The following CAST variants were observed in gnomAD, a reference collection of about 807,000 sequenced individuals.
CAST encodes MIR583 host.
In CAST, 76 loss-of-function variants were observed where a neutral mutation model predicts 119.6. That is an observed-to-expected ratio of 0.64 (90% CI 0.53 to 0.77). The LOEUF (loss-of-function observed/expected upper bound fraction) is 0.77, where lower values mean the gene tolerates loss of function less well. CAST is among the 30% of genes least tolerant of loss of function. CAST has a pLI of 0.00. For missense variants in CAST, 953 were observed against 946.5 expected, an observed-to-expected ratio of 1.01 and a Z score of -0.09; for synonymous variants, 319 against 331.6, an observed-to-expected ratio of 0.96 and a Z score of 0.41.
At chr5:96,710,232 A>T (rs1233748539) in intron 3 of CAST, among the ~76,000 whole-genome samples, 1 of 152,176 alleles carries the variant, frequency 6.6e-6, no homozygotes, top group Non-Finnish European at 1.5e-5. Flanking sequence ...ATCTTATGTG[A>T]TCCTTTCTTT....
the CAST span, among the ~76,000 whole-genome samples, chr5:96,116,377 T>G: frequency 1.3e-5 from 2 of 152,332 alleles, no homozygotes; most frequent in Admixed American, 1.3e-4. Flanking sequence ...TTATTTCCAG[T>G]ATTTGGCAAT....
the CAST span, among the ~76,000 whole-genome samples, chr5:96,345,415 C>T: frequency 1.3e-5 from 2 of 152,132 alleles, no homozygotes; most frequent in African/African-American, 4.8e-5. Context: ...TGATTCTGAG[C>T]TTATTCTGAG....
intron 1 of CAST, among the ~76,000 whole-genome samples, chr5:96,664,725 C>T (rs1749100001): frequency 6.6e-6 from 1 of 152,200 alleles, no homozygotes; most frequent in Admixed American, 6.5e-5. Context: ...GTCAAAATGT[C>T]ATACACATAT....
the CAST span, among the ~76,000 whole-genome samples, chr5:96,289,073 A>G: frequency 6.6e-6 from 1 of 150,600 alleles, no homozygotes; most frequent in Non-Finnish European, 1.5e-5. Flanking sequence ...CTTTCCCACA[A>G]TGCTCAGTTT....
chr5:96,564,705 G>A, intron 1 of CAST, among the ~76,000 whole-genome samples: 1 of 152,198 alleles, frequency 6.6e-6, no homozygotes, highest in Non-Finnish European at 1.5e-5. Context: ...GATCACTTGA[G>A]CTCAGATGTT....
At chr5:96,079,215 T>A in the CAST span, 3 of 419,054 alleles carry the variant, frequency 7.2e-6, no homozygotes, top group Non-Finnish European at 1.4e-5. Context: ...TCTTTGGTAC[T>A]TTCCCCTGGG....
intron 24 of CAST, among the ~76,000 whole-genome samples, chr5:96,757,926 T>A (rs1489201687): frequency 2.0e-5 from 3 of 152,088 alleles, no homozygotes; most frequent in Non-Finnish European, 2.9e-5. Context: ...CCTAACCTCA[T>A]GATCCGCCCA....
At chr5:96,085,836 T>TA in the CAST span, among the ~76,000 whole-genome samples, 1 of 152,228 alleles carries the variant, frequency 6.6e-6, no homozygotes, top group African/African-American at 2.4e-5. Context: ...GCTACTTACA[T>TA]AATTAACATC....
chr5:96,442,745 G>C, the CAST span, among the ~76,000 whole-genome samples: 1 of 152,162 alleles, frequency 6.6e-6, no homozygotes, highest in African/African-American at 2.4e-5. Flanking sequence ...GAGGTCGTAA[G>C]GAGCGCTGTG....
At chr5:96,443,838 T>G in the CAST span, among the ~76,000 whole-genome samples, 1 of 152,214 alleles carries the variant, frequency 6.6e-6, no homozygotes, top group Non-Finnish European at 1.5e-5. Flanking sequence ...AAGCAGAGAA[T>G]TTTAAGAATA....
intron 19 of CAST, among the ~76,000 whole-genome samples, chr5:96,750,324 G>A (rs569834584): frequency 6.6e-6 from 1 of 152,038 alleles, no homozygotes; most frequent in South Asian, 2.1e-4. Context: ...TACTGTCATT[G>A]TTCTCATTTT....
upstream of CAST, among the ~76,000 whole-genome samples, chr5:96,523,503 C>A (rs780415773): frequency 2.0e-5 from 3 of 152,196 alleles, no homozygotes; most frequent in African/African-American, 7.2e-5. Context: ...CTTGTGTGCC[C>A]GACTCTCTCT....
At chr5:96,441,894 G>C in the CAST span, among the ~76,000 whole-genome samples, 1 of 152,162 alleles carries the variant, frequency 6.6e-6, no homozygotes, top group South Asian at 2.1e-4. Flanking sequence ...CCATTTCCCA[G>C]CTTCCTGTGG....
rs34230121 is a variant in CAST, at chr5:96,650,728, T to TTGTGTGTGTGTGTG, written c.61-24785_61-24772dup. 5.1e-4 allele frequency among the ~76,000 whole-genome samples: 73 copies of TTGTGTGTGTGTGTG among 142,164 alleles called. 1 individual carries two copies. Among genetic ancestry groups the TTGTGTGTGTGTGTG allele is most frequent in the Admixed American group, 2.9e-3 (41 of 14,134 alleles). The allele number at this position is 142,164 out of a possible 152,430, so 93.3% of individuals were successfully genotyped here. ...GTCTCCCTACCTCTTACCCACTTAA[T>TTGTGTGTGTGTGTG]TGTGTGTGTGTGTGTGTGTGTGTGT... On this transcript the variant is annotated intron_variant, in intron 1 of 11. Transcript: ENST00000505143.
At chr5:96,265,279 A>C in the CAST span, among the ~76,000 whole-genome samples, 2 of 152,038 alleles carry the variant, frequency 1.3e-5, no homozygotes, top group African/African-American at 4.8e-5. Context: ...GTGTGTGTAC[A>C]TATGTGTGTA....
At chr5:96,051,633 G>A in the CAST span, among the ~76,000 whole-genome samples, 6 of 152,226 alleles carry the variant, frequency 3.9e-5, no homozygotes, top group South Asian at 6.2e-4. Flanking sequence ...GAGAAATTAA[G>A]CCTTTTAGGG....
At chr5:96,708,914 T>A (rs1364437209) in intron 3 of CAST, among the ~76,000 whole-genome samples, 1 of 152,238 alleles carries the variant, frequency 6.6e-6, no homozygotes, top group African/African-American at 2.4e-5. Flanking sequence ...GCTATTTTAC[T>A]TCCTGATTAG....
the CAST span, among the ~76,000 whole-genome samples, chr5:96,304,997 G>T: frequency 6.6e-6 from 1 of 152,188 alleles, no homozygotes; most frequent in African/African-American, 2.4e-5. Flanking sequence ...AAAGTCAATG[G>T]TAGCTTGATG....
chr5:96,534,925 T>TG (rs1554066294), intron 1 of CAST, among the ~76,000 whole-genome samples: 15 of 91,494 alleles, frequency 1.6e-4, no homozygotes, highest in Non-Finnish European at 2.3e-4. Context: ...AGAAAAGGAA[T>TG]AAAGAAAGAA....
Sources: gnomAD v4.1 joint callset for allele counts (sites outside exome capture counted in the v4.1 genomes callset) on GRCh38, gnomAD v4.1.1 for gene constraint, MANE v1.5 for transcripts, NCBI Gene and HGNC (gene_info 2026-07-23, HGNC 2026-07-21) for gene names.